The following FOXP1 variants were observed in gnomAD, a reference collection of about 807,000 sequenced individuals.
The protein encoded by FOXP1 is forkhead box P1.
In FOXP1, 15 loss-of-function variants were observed where a neutral mutation model predicts 98.2. The observed-to-expected ratio is 0.15, with a 90% confidence interval of 0.10 to 0.24. FOXP1 has a LOEUF of 0.24. Ranked by LOEUF, FOXP1 falls within the 10% of genes least tolerant of loss-of-function variation. The pLI is 1.00. For synonymous variants in FOXP1, 371 were observed against 314.5 expected, an observed-to-expected ratio of 1.18 and a Z score of -1.90; for missense variants, 633 against 848.5, an observed-to-expected ratio of 0.75 and a Z score of 3.15.
chr3:70,989,221 AAACCGTACAAAAGGG>A (rs2040230023), intron 13 of FOXP1, among the ~76,000 whole-genome samples: 1 of 152,210 alleles, frequency 6.6e-6, no homozygotes, highest in Non-Finnish European at 1.5e-5. Context: ...GAGAAAAGGG[AAACCGTACAAAAGGG>A]AGAAGGGAAA....
chr3:71,231,268 T>A (rs9875289), intron 5 of FOXP1, among the ~76,000 whole-genome samples: 3,255 of 152,282 alleles, frequency 0.021, 136 homozygotes, highest in African/African-American at 0.074. Context: ...ATAAGCACAG[T>A]GATGTTGAGA....
intron 2 of FOXP1, among the ~76,000 whole-genome samples, chr3:71,569,765 T>C (rs1452513430): frequency 6.6e-6 from 1 of 151,714 alleles, no homozygotes; most frequent in Admixed American, 6.6e-5. Context: ...TGTGACTCAG[T>C]GAAAATCAGT....
At chr3:71,209,672 A>G (rs1334856256) in intron 5 of FOXP1, among the ~76,000 whole-genome samples, 1 of 152,228 alleles carries the variant, frequency 6.6e-6, no homozygotes, top group Non-Finnish European at 1.5e-5. Context: ...TGTTAAGAAG[A>G]AACGTTTAAT....
intron 17 of FOXP1, among the ~76,000 whole-genome samples, chr3:70,973,835 G>GCCCCCCC (rs56950015): frequency 1.8e-3 from 65 of 36,726 alleles, no homozygotes; most frequent in Non-Finnish European, 2.2e-3. Flanking sequence ...TTTGCACACC[G>GCCCCCCC]CCCCCCCCCC....
At chr3:71,141,697 C>G (rs919497553) in intron 6 of FOXP1, among the ~76,000 whole-genome samples, 13 of 152,144 alleles carry the variant, frequency 8.5e-5, no homozygotes, top group African/African-American at 3.1e-4. Context: ...TCTGATACTA[C>G]AGTCTAGCAG....
chr3:71,331,445 C>T (rs1465667861), intron 4 of FOXP1, among the ~76,000 whole-genome samples: 1 of 149,358 alleles, frequency 6.7e-6, no homozygotes, highest in African/African-American at 2.4e-5. Context: ...CTCCACGGCA[C>T]CCAGTCCCAT....
chr3:71,327,993 T>C (rs1023080620), intron 4 of FOXP1, among the ~76,000 whole-genome samples: 2 of 152,186 alleles, frequency 1.3e-5, no homozygotes, highest in East Asian at 1.9e-4. Context: ...ACCTCAAATA[T>C]TGTCATTTAA....
At chr3:71,481,055 T>C (rs1296391230) in intron 3 of FOXP1, among the ~76,000 whole-genome samples, 2 of 152,186 alleles carry the variant, frequency 1.3e-5, no homozygotes, top group Non-Finnish European at 2.9e-5. Context: ...AATACATTGA[T>C]AGATACACAT....
At chr3:71,364,185 G>A (rs977766445) in intron 3 of FOXP1, among the ~76,000 whole-genome samples, 2 of 152,156 alleles carry the variant, frequency 1.3e-5, no homozygotes, top group African/African-American at 4.8e-5. Flanking sequence ...CCAAATACAT[G>A]GACCTTTCCA....
intron 5 of FOXP1, among the ~76,000 whole-genome samples, chr3:71,276,955 CTTTTT>C (rs34014285): frequency 7.7e-6 from 1 of 129,480 alleles, no homozygotes; most frequent in Non-Finnish European, 1.6e-5. Flanking sequence ...AGTAGATCAA[CTTTTT>C]TTTTTTTTTT....
At chr3:71,015,398 CTA>C in intron 12 of FOXP1, 149 bp downstream of exon 12, 1 of 614,264 alleles carries the variant, frequency 1.6e-6, no homozygotes, top group East Asian at 3.0e-5. Context: ...GTAACTATTC[CTA>C]TGACAGTGCA....
intron 4 of FOXP1, among the ~76,000 whole-genome samples, chr3:71,356,242 A>G (rs1178806982): frequency 6.6e-6 from 1 of 152,000 alleles, no homozygotes; most frequent in South Asian, 2.1e-4. Flanking sequence ...AAAGGAATAA[A>G]AAAAGAACTG....
At chr3:71,544,040 C>T (rs2045138993) in intron 2 of FOXP1, among the ~76,000 whole-genome samples, 1 of 151,000 alleles carries the variant, frequency 6.6e-6, no homozygotes, top group African/African-American at 2.5e-5. Flanking sequence ...CATATACACA[C>T]ATATATGTGT....
At chr3:71,202,378 T>C (rs1456858347) in intron 5 of FOXP1, among the ~76,000 whole-genome samples, 1 of 152,168 alleles carries the variant, frequency 6.6e-6, no homozygotes, top group Non-Finnish European at 1.5e-5. Flanking sequence ...GAAAAGCACA[T>C]GTGAAAAAAT....
chr3:71,438,891 C>G (rs1223889886), intron 3 of FOXP1, among the ~76,000 whole-genome samples: 5 of 152,106 alleles, frequency 3.3e-5, no homozygotes, highest in Admixed American at 3.3e-4. Context: ...CCACCCAGCC[C>G]TCCCCAACCC....
In FOXP1 at chr3:71,104,085, T is replaced by C. The variant is rs141507703; in HGVS notation, c.282+8451A>G. 5.6e-3 allele frequency among the ~76,000 whole-genome samples: 858 copies of C among 152,194 alleles called. 13 individuals carry two copies. Among genetic ancestry groups the C allele is most frequent in the African/African-American group, 0.02 (833 of 41,526 alleles). ...ATTCCAGGAAGAGTATTTTACCACT[T>C]TGGGGATAATGATGTAGTGGTCTCT... On this transcript the variant is annotated intron_variant, in intron 7 of 20. Transcript: ENST00000649528.
intron 4 of FOXP1, among the ~76,000 whole-genome samples, chr3:71,355,464 T>C (rs1479656888): frequency 6.6e-6 from 1 of 151,944 alleles, no homozygotes; most frequent in Non-Finnish European, 1.5e-5. Flanking sequence ...GTTTAAGGGG[T>C]TGATTTTTGA....
rs369387324 is a variant in FOXP1, at chr3:71,332,288, C to T, written c.-73+26862G>A. 9.9e-4 allele frequency: 154 copies of T among 156,116 alleles called. 1 individual carries two copies. Among genetic ancestry groups the T allele is most frequent in the Admixed American group, 6.8e-3 (105 of 15,342 alleles). The allele number at this position is 156,116 out of a possible 1,614,324, so 9.7% of individuals were successfully genotyped here. A position where few individuals can be genotyped will look rare whatever the true frequency, so the allele number is the denominator to read the frequency against. ...GCCTTAAGAGCTGTAACGCTCACCG[C>T]GAAGGTCTGCAGCTTCACGCCTGAG... On this transcript the variant is annotated intron_variant, in intron 4 of 20. Transcript: ENST00000649528.
At chr3:71,351,794 C>T (rs1267704292) in intron 4 of FOXP1, among the ~76,000 whole-genome samples, 3 of 152,102 alleles carry the variant, frequency 2.0e-5, no homozygotes, top group South Asian at 2.1e-4. Flanking sequence ...TGGTCAGAGG[C>T]TAATATGAAG....
Sources: gnomAD v4.1 joint callset for allele counts (sites outside exome capture counted in the v4.1 genomes callset) on GRCh38, gnomAD v4.1.1 for gene constraint, MANE v1.5 for transcripts, NCBI Gene and HGNC (gene_info 2026-07-23, HGNC 2026-07-21) for gene names.